The following B4GALNT1 variants were observed in gnomAD, a reference collection of about 807,000 sequenced individuals.
B4GALNT1 encodes the protein beta-1,4-N-acetyl-galactosaminyltransferase 1.
Under a neutral mutation model 55.2 loss-of-function variants are expected in B4GALNT1, and 43 were observed. That is an observed-to-expected ratio of 0.78 (90% CI 0.61 to 1.00). The LOEUF is 1.00. B4GALNT1 is among the 50% of genes least tolerant of loss of function. The pLI, the probability that B4GALNT1 is intolerant of heterozygous loss-of-function variation, is 0.00. For missense variants in B4GALNT1, 664 were observed against 729.7 expected, an observed-to-expected ratio of 0.91 and a Z score of 1.04; for synonymous variants, 305 against 311.6, an observed-to-expected ratio of 0.98 and a Z score of 0.22.
Position 57,623,715 on chromosome 12 carries a change from A to C in B4GALNT1, c.*3029T>G. 3.8e-6 allele frequency: 3 copies of C among 782,730 alleles called. No homozygotes were observed. The highest frequency in any genetic ancestry group is 2.1e-6 in the Non-Finnish European group (1 of 484,200). 48.5% of individuals were successfully genotyped at this position (782,730 alleles called of 1,614,324 possible). On this transcript the variant is annotated 3_prime_UTR_variant, in exon 11 of 11. Coordinates refer to ENST00000341156, the MANE Select transcript of B4GALNT1 (RefSeq NM_001478.5). ...AATATTAAGAAGGGGGTTGTGTGGA[A>C]GGAGATTTGGGAGAAGGGAGACTTC...
chr12:57,630,530 GAGTGGGGGGATCAGAATCACAT>G lies in B4GALNT1; in HGVS notation c.491-34_491-13del. 6.2e-7 allele frequency: 1 copy of G among 1,600,618 alleles called. No individual in the cohort carries two copies. The highest frequency in any genetic ancestry group is 8.5e-7 in the Non-Finnish European group (1 of 1,174,606). On this transcript the variant is annotated splice_polypyrimidine_tract_variant and intron_variant, in intron 4 of 10. Transcript: ENST00000341156. ...CTGAAGGCTCAGCCCTAGGAGAAAG[GAGTGGGGGGATCAGAATCACAT>G]AGGCAGCCCTGAATTCTTTCTCATT... is the stretch of plus-strand genomic sequence containing the variant.
At position 57,625,548 on chromosome 12, in the gene B4GALNT1, T is replaced by C. The variant is rs373861907; in HGVS notation, c.*1196A>G. 77 of 1,610,370 alleles carry C rather than the reference T, an allele frequency of 4.8e-5. No individual in the cohort carries two copies. In the African/African-American group the frequency reaches 9.3e-4, roughly 20 times the overall value. On this transcript the variant is annotated 3_prime_UTR_variant, in exon 11 of 11. Transcript: ENST00000341156. ...TAGGGAAAAGGACCCGGTGTGGACT[T>C]AGGGTCTCAGAGTCTGACACCCTCC...
At chr12:57,631,139 C>G in intron 3 of B4GALNT1, 53 bp from the exon 4 acceptor site, 1 of 1,610,360 alleles carries the variant, frequency 6.2e-7, no homozygotes, top group South Asian at 1.1e-5. Flanking sequence ...GAGGGTCTCT[C>G]CCTCCCGGCA....
Position 57,627,782 on chromosome 12 carries a change from G to T in B4GALNT1, c.1220C>A (p.Pro407Gln). 1 of 1,600,982 alleles carries T rather than the reference G, an allele frequency of 6.2e-7. No individual in the cohort carries two copies. The highest frequency in any genetic ancestry group is 1.7e-4 in the Middle Eastern group (1 of 6,012). The change falls in exon 10 of 11, where the codon CCA (proline) becomes CAA (glutamine). Residue 407 changes from proline to glutamine, a missense_variant. Physicochemically the swap from Pro to Gln is moderately conservative, Grantham distance 76 (BLOSUM62 -1). Coordinates refer to ENST00000341156, the MANE Select transcript of B4GALNT1 (RefSeq NM_001478.5). ...RQLLSVEPGA[P>Q]GLGNCLRQRR... is the part of the protein sequence containing the mutation. ...TTGCCGGAGGCAGTTCCCGAGGCCT[G>T]GGGCGCCGGGCTCCACGCTCAGCAG...
intron 8 of B4GALNT1, 101 bp downstream of exon 8, chr12:57,628,612 G>C: frequency 7.2e-7 from 1 of 1,385,894 alleles, no homozygotes; most frequent in Non-Finnish European, 1.0e-6. Context: ...CCATGATTCT[G>C]AGGCAGGTGG....
intron 1 of B4GALNT1, 153 bp from the exon 2 acceptor site, chr12:57,632,286 G>C: frequency 1.3e-6 from 1 of 773,906 alleles, no homozygotes; most frequent in East Asian, 2.7e-5. Flanking sequence ...TGCCAGCCGC[G>C]GTTTTCCCGG....
At chr12:57,631,514 G>T (rs1285901906) in intron 2 of B4GALNT1, 150 bp from the exon 3 acceptor site, 11 of 903,556 alleles carry the variant, frequency 1.2e-5, no homozygotes, top group Non-Finnish European at 1.8e-5. Flanking sequence ...AATAGTCCTC[G>T]GGAGGGGGAC....
intron 10 of B4GALNT1, among the ~76,000 whole-genome samples, 177 bp downstream of exon 10, chr12:57,627,441 G>C (rs1029130593): frequency 3.9e-5 from 6 of 152,008 alleles, no homozygotes; most frequent in African/African-American, 1.2e-4. Flanking sequence ...GCGGGGCTGG[G>C]AGAGGGTGGG....
rs1884929513 is a variant in B4GALNT1 at position 57,627,779 on chromosome 12, C to A, written c.1223G>T (p.Gly408Val). The change falls in exon 10 of 11, where the codon GGC (glycine) becomes GTC (valine). Residue 408 changes from glycine to valine, a missense_variant. Transcript: ENST00000341156. ...QLLSVEPGAP[G>V]LGNCLRQRRG... is the part of the protein sequence containing the mutation. ...CCTTTGCCGGAGGCAGTTCCCGAGGCCTGGGGCGCCGGGCTCCACGCTCAG... is the reference window on the plus strand; with the variant it reads ...CCTTTGCCGGAGGCAGTTCCCGAGGACTGGGGCGCCGGGCTCCACGCTCAG... 6.2e-7 allele frequency: 1 copy of A among 1,602,308 alleles called. No individual in the cohort carries two copies. The highest frequency in any genetic ancestry group is 8.5e-7 in the Non-Finnish European group (1 of 1,173,950).
chr12:57,626,517 G>A lies in B4GALNT1; in HGVS notation c.*227C>T. ...ATGGGCAGGGGGAGGACTTGGCACT[G>A]GCTGTGGGAGAGGTTATGGCTCCAC... On this transcript the variant is annotated 3_prime_UTR_variant, in exon 11 of 11. Transcript: ENST00000341156. The A allele has an allele frequency of 5.2e-6, 3 of 574,462 alleles. No homozygotes were observed. Among genetic ancestry groups the A allele is most frequent in the Non-Finnish European group, 9.3e-6 (3 of 321,542 alleles). The allele number at this position is 574,462 out of a possible 1,614,324, so 35.6% of individuals were successfully genotyped here.
Position 57,625,376 on chromosome 12 carries a change from T to G in B4GALNT1, c.*1368A>C, listed in dbSNP as rs1884734533. 6.2e-7 allele frequency: 1 copy of G among 1,613,992 alleles called. No individual in the cohort carries two copies. Among genetic ancestry groups the G allele is most frequent in the Non-Finnish European group, 8.5e-7 (1 of 1,180,004 alleles). On this transcript the variant is annotated 3_prime_UTR_variant, in exon 11 of 11. Coordinates refer to ENST00000341156, the MANE Select transcript of B4GALNT1 (RefSeq NM_001478.5). The stretch of plus-strand genomic sequence containing the variant: ...TTAGCATCTCACTCATACCCTCTGA[T>G]CTGGGACTTAACCCCTTTGCCCCAT...
chr12:57,624,069 C>T lies in B4GALNT1; in HGVS notation c.*2675G>A, dbSNP rs746834623. On this transcript the variant is annotated 3_prime_UTR_variant, in exon 11 of 11. Coordinates refer to ENST00000341156, the MANE Select transcript of B4GALNT1 (RefSeq NM_001478.5). ...GTTCTGCCAGATGCAGGAACTTCCA[C>T]AACTATGGCACATCAGCCGAGTGGA... is the stretch of plus-strand genomic sequence containing the variant. 1.2e-6 allele frequency: 2 copies of T among 1,613,930 alleles called. No homozygotes were observed. Among genetic ancestry groups the T allele is most frequent in the South Asian group, 2.2e-5 (2 of 91,028 alleles).
Position 57,625,391 on chromosome 12 carries a change from C to A in B4GALNT1, c.*1353G>T, listed in dbSNP as rs201792738. 1.9e-6 allele frequency: 3 copies of A among 1,614,164 alleles called. No individual in the cohort carries two copies. The highest frequency in any genetic ancestry group is 2.5e-6 in the Non-Finnish European group (3 of 1,180,024). ...TACCCTCTGATCTGGGACTTAACCCCTTTGCCCCATCCCTGCAGCTGGCCA... is the reference window on the plus strand; with the variant it reads ...TACCCTCTGATCTGGGACTTAACCCATTTGCCCCATCCCTGCAGCTGGCCA... On this transcript the variant is annotated 3_prime_UTR_variant, in exon 11 of 11. Transcript: ENST00000341156.
At position 57,624,058 on chromosome 12, in the gene B4GALNT1, AGGAAC is replaced by A; in HGVS notation, c.*2681_*2685del. 1 of 1,613,630 alleles carries A rather than the reference AGGAAC, an allele frequency of 6.2e-7. No individual in the cohort carries two copies. Among genetic ancestry groups the A allele is most frequent in the South Asian group, 1.1e-5 (1 of 90,980 alleles). On this transcript the variant is annotated 3_prime_UTR_variant, in exon 11 of 11. Coordinates refer to ENST00000341156, the MANE Select transcript of B4GALNT1 (RefSeq NM_001478.5). ...ATGCGCCAGGTGTTCTGCCAGATGC[AGGAAC>A]TTCCACAACTATGGCACATCAGCCG...
intron 2 of B4GALNT1, among the ~76,000 whole-genome samples, chr12:57,631,572 G>GAA (rs1885214788): frequency 6.6e-6 from 1 of 152,118 alleles, no homozygotes; most frequent in African/African-American, 2.4e-5. Context: ...AGAGTTGTAG[G>GAA]ATAGGGCCAA....
chr12:57,625,360 C>T lies in B4GALNT1; in HGVS notation c.*1384G>A. On this transcript the variant is annotated 3_prime_UTR_variant, in exon 11 of 11. Transcript: ENST00000341156. Reference sequence around the variant, plus strand: ...GTTGAGGAGAAACCCCTTAGCATCTCACTCATACCCTCTGATCTGGGACTT... The same window carrying T: ...GTTGAGGAGAAACCCCTTAGCATCTTACTCATACCCTCTGATCTGGGACTT... The T allele has an allele frequency of 1.2e-6, 2 of 1,614,096 alleles. No individual in the cohort carries two copies. Among genetic ancestry groups the T allele is most frequent in the East Asian group, 2.2e-5 (1 of 44,868 alleles).
intron 4 of B4GALNT1, 121 bp downstream of exon 4, chr12:57,630,859 T>C: frequency 1.0e-6 from 1 of 983,432 alleles, no homozygotes; most frequent in Non-Finnish European, 1.5e-6. Flanking sequence ...TGAGCTTAAG[T>C]CCCCCATTCA....
Position 57,624,180 on chromosome 12 carries a change from T to C in B4GALNT1, c.*2564A>G. On this transcript the variant is annotated 3_prime_UTR_variant, in exon 11 of 11. Transcript: ENST00000341156. ...CTCTGCCCTGAACCAAACCTAATTGTCCTGGTCTTAAGTTCTGCAACCCAC... is the reference window on the plus strand; with the variant it reads ...CTCTGCCCTGAACCAAACCTAATTGCCCTGGTCTTAAGTTCTGCAACCCAC... The C allele has an allele frequency of 7.2e-7, 1 of 1,388,284 alleles. No homozygotes were observed. The highest frequency in any genetic ancestry group is 1.0e-6 in the Non-Finnish European group (1 of 1,000,004). The allele number at this position is 1,388,284 out of a possible 1,614,324, so 86.0% of individuals were successfully genotyped here.
In B4GALNT1 at chr12:57,626,706, C is replaced by G. The variant is rs781694852; in HGVS notation, c.*38G>C. ...GAAATTCCTGGCAGGGACAAGGAGG[C>G]AGGCCCAGCCTGACAGTCAGAAATC... On this transcript the variant is annotated 3_prime_UTR_variant, in exon 11 of 11. Coordinates refer to ENST00000341156, the MANE Select transcript of B4GALNT1 (RefSeq NM_001478.5). 5 of 1,610,198 alleles carry G rather than the reference C, an allele frequency of 3.1e-6. No homozygotes were observed. The highest frequency in any genetic ancestry group is 1.1e-5 in the South Asian group (1 of 90,910).
Sources: allele counts gnomAD v4.1 joint callset (sites outside exome capture counted in the v4.1 genomes callset), GRCh38; gene constraint gnomAD v4.1.1; transcripts MANE v1.5; gene names NCBI Gene and HGNC (gene_info 2026-07-23, HGNC 2026-07-21).